Variants in USHBP1 observed in about 807,000 individuals in gnomAD.
The protein encoded by USHBP1 is USH1 protein network component harmonin binding protein 1.
Under a neutral mutation model 76.2 loss-of-function variants are expected in USHBP1, and 67 were observed. The observed-to-expected ratio is 0.88, with a 90% confidence interval of 0.72 to 1.08. USHBP1 has a LOEUF of 1.08. Ranked by LOEUF, USHBP1 falls within the 50% of genes least tolerant of loss-of-function variation. The pLI, the probability that USHBP1 is intolerant of heterozygous loss-of-function variation, is 0.00. For missense variants in USHBP1, 931 were observed against 915.0 expected (o/e 1.02, Z -0.23); for synonymous variants, 322 against 362.2 (o/e 0.89, Z 1.26).
Position 17,258,194 on chromosome 19 carries a change from A to G in USHBP1, c.1220+18T>C. The G allele has an allele frequency of 6.2e-7, 1 of 1,612,818 alleles. No homozygotes were observed. Among genetic ancestry groups the G allele is most frequent in the Non-Finnish European group, 8.5e-7 (1 of 1,179,962 alleles). On this transcript the variant is annotated intron_variant, in intron 8 of 12. Transcript: ENST00000252597. ...CCACTCCTCAACCAGGCCAGTTCCC[A>G]GGGTTCCAGGGGGGTACCTTGGCTG...
rs559894951 is a variant in USHBP1, at chr19:17,262,662, C to T, written c.532G>A (p.Glu178Lys). ...GCCAGCCGGAGCCAGGCATTCCTCT[C>T]GGCCAGGCGAGCTGCCTCTCGCTGG... ...SCQREAARLAERNAWLRLALS... is the reference protein window; with the variant it reads ...SCQREAARLAKRNAWLRLALS... The change falls in exon 4 of 13, where the codon GAG becomes AAG. Residue 178 changes from glutamate (E) to lysine (K), a missense_variant. Coordinates refer to ENST00000252597, the MANE Select transcript of USHBP1 (RefSeq NM_031941.4). The T allele has an allele frequency of 6.4e-5, 103 of 1,614,028 alleles. No individual in the cohort carries two copies. The highest frequency in any genetic ancestry group is 3.3e-4 in the African/African-American group (25 of 75,056).
At chr19:17,257,512 G>A (rs982861523) in intron 8 of USHBP1, among the ~76,000 whole-genome samples, 6 of 150,560 alleles carry the variant, frequency 4.0e-5, no homozygotes, top group Non-Finnish European at 8.9e-5. Flanking sequence ...TGTGGTAGTG[G>A]GAGCCTGTAA....
At position 17,262,564 on chromosome 19, in the gene USHBP1, C is replaced by A. The variant is rs140894327; in HGVS notation, c.630G>T (p.Thr210=). The A allele has an allele frequency of 6.2e-7, 1 of 1,604,642 alleles. No individual in the cohort carries two copies. ...TGGCCCCACTCACCTCTTTCTGCAG[C>A]GTCTCCTTCTCAGCTCGGATGGCCT... ...SLEAIRAEKE[T]LQKEVQELQD... Residue 210 remains threonine, a synonymous_variant, in exon 4 of 13, where the codon ACG becomes ACT. Coordinates refer to ENST00000252597, the MANE Select transcript of USHBP1 (RefSeq NM_031941.4).
chr19:17,261,157 A>G (rs1474155454), intron 4 of USHBP1, among the ~76,000 whole-genome samples: 1 of 152,016 alleles, frequency 6.6e-6, no homozygotes, highest in Non-Finnish European at 1.5e-5. Context: ...ACGAGGCCCT[A>G]CGCGATCTGC....
intron 10 of USHBP1, among the ~76,000 whole-genome samples, chr19:17,253,298 C>G (rs1017763060): frequency 8.8e-6 from 1 of 114,236 alleles, no homozygotes; most frequent in African/African-American, 3.5e-5. Flanking sequence ...ATTTTTTTTT[C>G]TTTTTTTTTT....
In USHBP1 at chr19:17,251,688, C is replaced by T. The variant is rs1365875538; in HGVS notation, c.1816G>A (p.Glu606Lys). The T allele has an allele frequency of 2.5e-6, 4 of 1,613,450 alleles. No individual in the cohort carries two copies. The highest frequency in any genetic ancestry group is 1.7e-5 in the Admixed American group (1 of 60,006). The part of the protein sequence containing the change: ...ASLTRTLDLQ[E>K]QLQSLRRELE... ...TCCCTGCGCAGAGACTGCAGCTGCTCCTGCAGGTCCAGTGTCCTGTTGCGA... is the reference window on the plus strand; with the variant it reads ...TCCCTGCGCAGAGACTGCAGCTGCTTCTGCAGGTCCAGTGTCCTGTTGCGA... The change falls in exon 12 of 13, where the codon GAG becomes AAG. Residue 606 changes from glutamate (E) to lysine (K), a missense_variant. Transcript: ENST00000252597.
At chr19:17,260,947 A>G (rs2073679419) in intron 4 of USHBP1, among the ~76,000 whole-genome samples, 1 of 152,050 alleles carries the variant, frequency 6.6e-6, no homozygotes. Flanking sequence ...ATCCGTCCGC[A>G]TCTCTCCACT....
chr19:17,256,385 C>G lies in USHBP1; in HGVS notation c.1470+86G>C, dbSNP rs147870298. 5.1e-6 allele frequency: 8 copies of G among 1,561,876 alleles called. 2 individuals carry two copies. The South Asian group carries it at 7.0e-5, about 14-fold the overall frequency. ...TGCCTGCACTCAGCCCAGCAGAATT[C>G]TCCTTTGCTCCTTGGTCCCCCGACC... On this transcript the variant is annotated intron_variant, in intron 9 of 12. Transcript: ENST00000252597.
intron 4 of USHBP1, 118 bp downstream of exon 4, chr19:17,262,434 C>T: frequency 8.3e-7 from 1 of 1,208,226 alleles, no homozygotes; most frequent in Non-Finnish European, 1.1e-6. Flanking sequence ...AGGTGTCAGC[C>T]ACCACACCCA....
chr19:17,262,700 C>T lies in USHBP1; in HGVS notation c.494G>A (p.Gly165Glu). 1 of 1,614,210 alleles carries T rather than the reference C, an allele frequency of 6.2e-7. No individual in the cohort carries two copies. The highest frequency in any genetic ancestry group is 8.5e-7 in the Non-Finnish European group (1 of 1,180,036). ...GGAGSLGKQE[G>E]AGSCQREAAR... ...TGCCTCTCGCTGGCAGCTCCCTGCCCCTTCCTGCTTCCCAAGGGAACCTGC... is the reference window on the plus strand; with the variant it reads ...TGCCTCTCGCTGGCAGCTCCCTGCCTCTTCCTGCTTCCCAAGGGAACCTGC... The change falls in exon 4 of 13, where the codon GGG becomes GAG. Residue 165 changes from glycine (G) to glutamate (E), a missense_variant. Transcript: ENST00000252597.
At chr19:17,259,526 A>T in intron 6 of USHBP1, 70 bp downstream of exon 6, 1 of 1,603,252 alleles carries the variant, frequency 6.2e-7, no homozygotes, top group Non-Finnish European at 8.5e-7. Flanking sequence ...GCAGCTTCAG[A>T]CTCCTGGCTT....
rs199702527 is a variant in USHBP1, at chr19:17,262,784, C to G, written c.410G>C (p.Arg137Pro). 4 of 1,614,006 alleles carry G rather than the reference C, an allele frequency of 2.5e-6. No individual in the cohort carries two copies. In the South Asian group the frequency reaches 3.3e-5, roughly 13 times the overall value. Residue 137 changes from arginine to proline, a missense_variant, in exon 4 of 13, where the codon CGC becomes CCC. Transcript: ENST00000252597. ...SSLEAAAAAW[R>P]HQPPSHSGPM... ...CCCAGAATGGCTGGGGGGCTGGTGG[C>G]GCCAGGCTGCAGCCGCTGCCTCCAG... is the stretch of plus-strand genomic sequence containing the variant.
chr19:17,256,454 C>A lies in USHBP1; in HGVS notation c.1470+17G>T. 6.2e-7 allele frequency: 1 copy of A among 1,612,474 alleles called. No homozygotes were observed. ...CCACCAAGAAAGACTGACACAGTGGCCACAGCCCATTTGTACCCTTGCGGC... is the reference window on the plus strand; with the variant it reads ...CCACCAAGAAAGACTGACACAGTGGACACAGCCCATTTGTACCCTTGCGGC... On this transcript the variant is annotated intron_variant, in intron 9 of 12. Coordinates refer to ENST00000252597, the MANE Select transcript of USHBP1 (RefSeq NM_031941.4).
chr19:17,259,210 A>C (rs574495923), intron 7 of USHBP1, 79 bp downstream of exon 7: 8 of 1,517,310 alleles, frequency 5.3e-6, no homozygotes, highest in Non-Finnish European at 7.0e-6. Context: ...CTCTCCAGTG[A>C]GGGTTCTGTG....
intron 8 of USHBP1, among the ~76,000 whole-genome samples, chr19:17,257,916 T>C (rs992083472): frequency 6.6e-6 from 1 of 152,166 alleles, no homozygotes; most frequent in Non-Finnish European, 1.5e-5. Context: ...CCCAAAGTGC[T>C]GGGATTACAG....
chr19:17,250,107 C>T lies in USHBP1; in HGVS notation c.*118G>A, dbSNP rs189363678. On this transcript the variant is annotated 3_prime_UTR_variant, in exon 13 of 13. Coordinates refer to ENST00000252597, the MANE Select transcript of USHBP1 (RefSeq NM_031941.4). ...CTGGACACCCATGTGCACCAGCTTC[C>T]CTCACGCCAAATGTGCCCCAACATG... The T allele has an allele frequency of 6.0e-4, 736 of 1,232,162 alleles. 2 individuals carry two copies. The African/African-American group carries it at 0.01, about 17-fold the overall frequency. 76.3% of individuals were successfully genotyped at this position (1,232,162 alleles called of 1,614,324 possible).
At position 17,259,364 on chromosome 19, in the gene USHBP1, C is replaced by G; in HGVS notation, c.971G>C (p.Arg324Pro). 1 of 1,614,112 alleles carries G rather than the reference C, an allele frequency of 6.2e-7. No individual in the cohort carries two copies. Among genetic ancestry groups the G allele is most frequent in the Non-Finnish European group, 8.5e-7 (1 of 1,180,028 alleles). ...TAGCTGCATGCTGAGGCCTTCACAGCGGCCCTTGTATCCCTGTAGCACAGC... is the reference window on the plus strand; with the variant it reads ...TAGCTGCATGCTGAGGCCTTCACAGGGGCCCTTGTATCCCTGTAGCACAGC... ...LSAVLQGYKGRCEGLSMQLGQ... is the reference protein window; with the variant it reads ...LSAVLQGYKGPCEGLSMQLGQ... Residue 324 changes from arginine (R) to proline (P), a missense_variant, in exon 7 of 13, where the codon CGC becomes CCC. By Grantham distance (103) the Arg-to-Pro change is moderately radical (BLOSUM62 -2). Transcript: ENST00000252597.
chr19:17,257,887 G>A (rs1429532574), intron 8 of USHBP1, among the ~76,000 whole-genome samples: 2 of 152,114 alleles, frequency 1.3e-5, no homozygotes, highest in East Asian at 3.9e-4. Context: ...GAGCTCAAAC[G>A]ATCTGCCTGC....
intron 11 of USHBP1, 30 bp downstream of exon 11, chr19:17,251,881 C>T (rs1411798026): frequency 1.3e-6 from 2 of 1,522,834 alleles, no homozygotes; most frequent in Non-Finnish European, 8.8e-7. Flanking sequence ...CCTGCCCACC[C>T]CCCGCACAGC....
Sources: gnomAD v4.1 joint callset for allele counts (sites outside exome capture counted in the v4.1 genomes callset) on GRCh38, gnomAD v4.1.1 for gene constraint, MANE v1.5 for transcripts, NCBI Gene and HGNC (gene_info 2026-07-23, HGNC 2026-07-21) for gene names.